Variants in TSTD2 observed in about 807,000 individuals in gnomAD.
TSTD2 encodes thiosulfate sulfurtransferase/rhodanese-like domain-containing protein 2.
A neutral mutation model predicts 47.9 loss-of-function variants in TSTD2; 37 were observed. The ratio of observed to expected loss-of-function variants is 0.77; its 90% CI spans 0.59 to 1.02. The LOEUF is 1.02. TSTD2 is among the 50% of genes least tolerant of loss of function. The probability of loss-of-function intolerance (pLI) is 0.00; values close to 1 mark genes in which losing one functional copy is unlikely to be tolerated. For synonymous variants in TSTD2, 201 were observed against 215.9 expected (o/e 0.93, Z 0.61); for missense variants, 586 against 616.0 (o/e 0.95, Z 0.52).
chr9:97,610,698 T>C (rs79541171), intron 5 of TSTD2: 4,034 of 284,254 alleles, frequency 0.014, 164 homozygotes, highest in African/African-American at 0.082. Context: ...ATTATAAAAC[T>C]GCAACACCGC....
Position 97,600,950 on chromosome 9 carries a change from T to A in TSTD2, c.*1519A>T, listed in dbSNP as rs1184511638. ...TTTTGGGAGTTATTTTCATTAGTGA[T>A]TTCAGCAAATCTCATGATAAAGGAC... On this transcript the variant is annotated 3_prime_UTR_variant, in exon 10 of 10. Transcript: ENST00000341170. 8.8e-7 allele frequency: 1 copy of A among 1,133,834 alleles called. No homozygotes were observed. Among genetic ancestry groups the A allele is most frequent in the Admixed American group, 4.6e-5 (1 of 21,596 alleles). The allele number at this position is 1,133,834 out of a possible 1,614,324, so 70.2% of individuals were successfully genotyped here.
chr9:97,628,682 G>A (rs1293880763), intron 1 of TSTD2, among the ~76,000 whole-genome samples: 1 of 152,192 alleles, frequency 6.6e-6, no homozygotes, highest in Non-Finnish European at 1.5e-5. Context: ...AGGCAGGCTT[G>A]TTAACTACTC....
rs779715803 is a variant in TSTD2, at chr9:97,605,539, T to C, written c.1057A>G (p.Met353Val). 2 of 1,614,090 alleles carry C rather than the reference T, an allele frequency of 1.2e-6. No homozygotes were observed. The highest frequency in any genetic ancestry group is 1.7e-6 in the Non-Finnish European group (2 of 1,180,032). Residue 353 changes from methionine (M) to valine (V), a missense_variant, in exon 8 of 10, where the codon ATG (methionine) becomes GTG (valine). Met to Val is a conservative substitution (Grantham distance 21, BLOSUM62 1). Transcript: ENST00000341170. ...LELFREKRVLMYCTGGIRCER... is the reference protein window; with the variant it reads ...LELFREKRVLVYCTGGIRCER... ...CAGCGGATGCCCCCGGTACAGTACA[T>C]CAGCACTCTCTTCTCTCTGAAAAGT...
In TSTD2 at chr9:97,601,364, G is replaced by A; in HGVS notation, c.*1105C>T. 9.0e-7 allele frequency: 1 copy of A among 1,109,406 alleles called. No homozygotes were observed. Among genetic ancestry groups the A allele is most frequent in the Non-Finnish European group, 1.1e-6 (1 of 898,528 alleles). 68.7% of individuals were successfully genotyped at this position (1,109,406 alleles called of 1,614,324 possible). A position where few individuals can be genotyped will look rare whatever the true frequency, so the allele number is the denominator to read the frequency against. Reference sequence around the variant, plus strand: ...AGTGCTGGATGACCTCAGTAAGAATGTGTCATGTATTCCAGGTGCTGATCT... The same window carrying A: ...AGTGCTGGATGACCTCAGTAAGAATATGTCATGTATTCCAGGTGCTGATCT... On this transcript the variant is annotated 3_prime_UTR_variant, in exon 10 of 10. Coordinates refer to ENST00000341170, the MANE Select transcript of TSTD2 (RefSeq NM_139246.5).
At chr9:97,625,482 G>A (rs567211384) in intron 3 of TSTD2, among the ~76,000 whole-genome samples, 199 bp downstream of exon 3, 5 of 152,188 alleles carry the variant, frequency 3.3e-5, no homozygotes, top group Non-Finnish European at 5.9e-5. Context: ...AGAAATTGCC[G>A]AACACTTTTC....
At chr9:97,614,109 T>C (rs117074736) in intron 4 of TSTD2, among the ~76,000 whole-genome samples, 2,029 of 152,298 alleles carry the variant, frequency 0.013, 27 homozygotes, top group Admixed American at 0.02. Flanking sequence ...ATTACAGGCA[T>C]GAACCATCGC....
At position 97,604,761 on chromosome 9, in the gene TSTD2, G is replaced by C; in HGVS notation, c.1218C>G (p.Arg406=). Residue 406 remains arginine, a synonymous_variant, in exon 9 of 10, where the codon CGC becomes CGG. Transcript: ENST00000341170. The part of the protein sequence containing the change: ...YKGKLFVFDE[R]YALSYNSDVV... ...CATCACTGTTGTAGGACAGAGCATA[G>C]CGTTCATCAAAAACAAACAACTTCC... 1 of 1,614,168 alleles carries C rather than the reference G, an allele frequency of 6.2e-7. No homozygotes were observed. The highest frequency in any genetic ancestry group is 8.5e-7 in the Non-Finnish European group (1 of 1,180,032).
chr9:97,605,502 G>C lies in TSTD2; in HGVS notation c.1094C>G (p.Ser365Ter). ...GCTCACCTTGGCTTTGAGGTAGGCT[G>C]AACCCCGCTCACAGCGGATGCCCCC... is the stretch of plus-strand genomic sequence containing the variant. ...CTGGIRCERGSAYLKAKGVCK... is the reference protein window; with the variant it reads ...CTGGIRCERG Residue 365 changes from serine to a stop codon, truncating the protein, a stop_gained, in exon 8 of 10, where the codon TCA (serine) becomes TGA (stop). Transcript: ENST00000341170. LOFTEE classifies it high-confidence loss of function. 6.2e-7 allele frequency: 1 copy of C among 1,613,814 alleles called. No homozygotes were observed. The highest frequency in any genetic ancestry group is 1.1e-5 in the South Asian group (1 of 91,058).
At chr9:97,613,230 A>T (rs536683091) in intron 4 of TSTD2, among the ~76,000 whole-genome samples, 3 of 152,340 alleles carry the variant, frequency 2.0e-5, no homozygotes, top group African/African-American at 7.2e-5. Context: ...CACAGAGTAC[A>T]TCTGAGGGCT....
intron 2 of TSTD2, chr9:97,627,184 T>C (rs1180783010): frequency 2.2e-6 from 2 of 906,400 alleles, no homozygotes; most frequent in East Asian, 8.0e-5. Context: ...AATCCATCTG[T>C]CTAGGATCCA....
chr9:97,621,995 C>T lies in TSTD2; in HGVS notation c.482+3686G>A, dbSNP rs140407133. On this transcript the variant is annotated intron_variant, in intron 3 of 9. Transcript: ENST00000341170. ...TCACAGAACTTACCAACATGTGAAG[C>T]GACCCCCGGACACCTAGCTGTAAAA... Among the ~76,000 whole-genome samples, 302 of 152,180 alleles carry T rather than the reference C, an allele frequency of 2.0e-3. 2 individuals carry two copies. Among genetic ancestry groups the T allele is most frequent in the East Asian group, 6.2e-3 (32 of 5,176 alleles).
intron 3 of TSTD2, among the ~76,000 whole-genome samples, chr9:97,620,777 G>A (rs980151721): frequency 6.6e-6 from 1 of 152,140 alleles, no homozygotes; most frequent in Admixed American, 6.5e-5. Context: ...TGAGAGAGAC[G>A]ATTTAGGGTA....
At position 97,604,749 on chromosome 9, in the gene TSTD2, G is replaced by C. The variant is rs1335392778; in HGVS notation, c.1230C>G (p.Ser410=). ...LFVFDERYAL[S]YNSDVVSECS... ...TACCTGACACCACATCACTGTTGTA[G>C]GACAGAGCATAGCGTTCATCAAAAA... The change falls in exon 9 of 10, where the codon TCC becomes TCG. Residue 410 remains serine (S), a synonymous_variant. Coordinates refer to ENST00000341170, the MANE Select transcript of TSTD2 (RefSeq NM_139246.5). 6.2e-7 allele frequency: 1 copy of C among 1,614,168 alleles called. No homozygotes were observed. Among genetic ancestry groups the C allele is most frequent in the Admixed American group, 1.7e-5 (1 of 60,018 alleles).
At chr9:97,603,056 TTCTC>T (rs202214264) in intron 9 of TSTD2, 1 of 311,492 alleles carries the variant, frequency 3.2e-6, no homozygotes, top group African/African-American at 2.2e-5. Flanking sequence ...TAATGAAAGT[TTCTC>T]TCTCTCACCA....
chr9:97,617,888 A>C lies in TSTD2; in HGVS notation c.483-11T>G. 1 of 1,605,460 alleles carries C rather than the reference A, an allele frequency of 6.2e-7. No individual in the cohort carries two copies. The highest frequency in any genetic ancestry group is 8.5e-7 in the Non-Finnish European group (1 of 1,177,228). ...TCACTGCCCTGGCCACTATAAAATG[A>C]AAATCCAAGGCAAAGAGCATTTGAG... On this transcript the variant is annotated splice_polypyrimidine_tract_variant and intron_variant, in intron 3 of 9. Transcript: ENST00000341170.
At chr9:97,628,552 AT>A (rs146929919) in intron 1 of TSTD2, among the ~76,000 whole-genome samples, 129 of 152,314 alleles carry the variant, frequency 8.5e-4, no homozygotes, top group African/African-American at 3.0e-3. Flanking sequence ...TATTATTAAT[AT>A]TTTAATTGAA....
At chr9:97,626,522 C>T (rs1308650878) in intron 2 of TSTD2, among the ~76,000 whole-genome samples, 1 of 152,176 alleles carries the variant, frequency 6.6e-6, no homozygotes, top group East Asian at 1.9e-4. Flanking sequence ...ACCAAAATAT[C>T]TTCCTTCTTG....
intron 4 of TSTD2, among the ~76,000 whole-genome samples, chr9:97,611,929 T>C (rs953528630): frequency 2.0e-5 from 3 of 152,220 alleles, no homozygotes; most frequent in Admixed American, 2.0e-4. Context: ...AACTGTGTCA[T>C]GGGGGTTTAT....
intron 4 of TSTD2, among the ~76,000 whole-genome samples, chr9:97,614,053 C>A (rs1041165651): frequency 6.6e-6 from 1 of 152,128 alleles, no homozygotes; most frequent in Non-Finnish European, 1.5e-5. Context: ...TGGTCTCAAT[C>A]TCCTGACCTT....
Sources: allele counts gnomAD v4.1 joint callset (sites outside exome capture counted in the v4.1 genomes callset), GRCh38; gene constraint gnomAD v4.1.1; transcripts MANE v1.5; gene names NCBI Gene and HGNC (gene_info 2026-07-23, HGNC 2026-07-21).